NECAB1: variants seen among roughly 807,000 people sequenced by gnomAD.
NECAB1 encodes N-terminal EF-hand calcium-binding protein 1.
Under a neutral mutation model 57.5 loss-of-function variants are expected in NECAB1, and 29 were observed. The observed-to-expected ratio is 0.50, with a 90% CI of 0.38 to 0.69. NECAB1 has a LOEUF of 0.69. Ranked by LOEUF, NECAB1 falls within the 30% of genes least tolerant of loss-of-function variation. NECAB1 has a pLI of 0.00. For missense variants in NECAB1, 372 were observed against 413.8 expected (o/e 0.90, Z 0.88); for synonymous variants, 142 against 147.7 (o/e 0.96, Z 0.28).
intron 11 of NECAB1, 54 bp downstream of exon 11, chr8:90,949,938 A>G: frequency 1.8e-6 from 2 of 1,081,474 alleles, no homozygotes; most frequent in Non-Finnish European, 2.8e-6. Flanking sequence ...GGCAATATGC[A>G]TGATGTAATT....
chr8:90,902,556 A>G (rs944314251), intron 5 of NECAB1, among the ~76,000 whole-genome samples: 9 of 152,304 alleles, frequency 5.9e-5, no homozygotes, highest in Non-Finnish European at 8.8e-5. Context: ...TAAATTATAT[A>G]TATAATGTAC....
Position 90,832,520 on chromosome 8 carries a change from A to G in NECAB1, c.233+7695A>G, listed in dbSNP as rs977333260. On this transcript the variant is annotated intron_variant, in intron 3 of 12. Transcript: ENST00000417640. Reference sequence around the variant, plus strand: ...CTGGTTCTAATTTTCTCCGACAAAAATGGTAGTCAAGTCAAATTTTGTGTC... The same window carrying G: ...CTGGTTCTAATTTTCTCCGACAAAAGTGGTAGTCAAGTCAAATTTTGTGTC... Among the ~76,000 whole-genome samples, 8 of 152,186 alleles carry G rather than the reference A, an allele frequency of 5.3e-5. No individual in the cohort carries two copies. The South Asian group carries it at 1.7e-3, about 32-fold the overall frequency.
chr8:90,803,766 C>T (rs990173438), intron 2 of NECAB1, among the ~76,000 whole-genome samples: 2 of 152,134 alleles, frequency 1.3e-5, no homozygotes, highest in Non-Finnish European at 2.9e-5. Context: ...CACTCAGTCC[C>T]CCTGGGCACC....
chr8:90,915,857 A>G (rs943632138), intron 5 of NECAB1, among the ~76,000 whole-genome samples: 1 of 152,218 alleles, frequency 6.6e-6, no homozygotes, highest in African/African-American at 2.4e-5. Context: ...TTGGAGTCTG[A>G]TATTTGAGGG....
At chr8:90,796,018 T>C (rs1563489453) in intron 1 of NECAB1, among the ~76,000 whole-genome samples, 1 of 152,216 alleles carries the variant, frequency 6.6e-6, no homozygotes, top group Non-Finnish European at 1.5e-5. Context: ...AAAAATACAC[T>C]TAGTCTTACT....
intron 3 of NECAB1, among the ~76,000 whole-genome samples, chr8:90,828,297 A>G (rs1812255236): frequency 6.6e-6 from 1 of 152,050 alleles, no homozygotes; most frequent in Non-Finnish European, 1.5e-5. Flanking sequence ...AATATTACCA[A>G]GGTTGGAGAT....
chr8:90,810,580 G>T (rs1036760595), intron 2 of NECAB1, among the ~76,000 whole-genome samples: 2 of 152,138 alleles, frequency 1.3e-5, no homozygotes, highest in African/African-American at 4.8e-5. Flanking sequence ...AAGTCCCAAG[G>T]ATGTTGTTTA....
chr8:90,818,715 G>A (rs1812097270), intron 2 of NECAB1, among the ~76,000 whole-genome samples: 2 of 151,922 alleles, frequency 1.3e-5, no homozygotes, highest in Admixed American at 1.3e-4. Context: ...GTATGAGTTT[G>A]GTTTTGGGTG....
At chr8:90,919,577 TA>T (rs1276547485) in intron 6 of NECAB1, among the ~76,000 whole-genome samples, 1 of 152,210 alleles carries the variant, frequency 6.6e-6, no homozygotes, top group East Asian at 1.9e-4. Context: ...AAGCATCCTC[TA>T]CATCATAAAC....
intron 5 of NECAB1, among the ~76,000 whole-genome samples, chr8:90,907,570 A>C (rs1360787331): frequency 1.3e-5 from 2 of 152,208 alleles, no homozygotes; most frequent in African/African-American, 4.8e-5. Flanking sequence ...TCTAGGATAC[A>C]TATGTTTCCT....
intron 9 of NECAB1, among the ~76,000 whole-genome samples, chr8:90,934,779 G>A (rs1810494236): frequency 1.3e-5 from 2 of 152,076 alleles, no homozygotes; most frequent in Non-Finnish European, 2.9e-5. Context: ...CATTGAAAAT[G>A]CTCAGAAATA....
At chr8:90,852,162 C>T (rs1812696257) in intron 3 of NECAB1, among the ~76,000 whole-genome samples, 2 of 152,166 alleles carry the variant, frequency 1.3e-5, no homozygotes, top group Non-Finnish European at 2.9e-5. Flanking sequence ...CCTGATTTCA[C>T]ATTATATGAA....
chr8:90,890,683 A>T (rs944412634), intron 5 of NECAB1, among the ~76,000 whole-genome samples: 2 of 152,194 alleles, frequency 1.3e-5, no homozygotes, highest in Non-Finnish European at 2.9e-5. Flanking sequence ...TTAAAGAAGT[A>T]TTTTTAAACT....
At chr8:90,932,520 G>A (rs1292140435) in intron 8 of NECAB1, among the ~76,000 whole-genome samples, 2 of 152,322 alleles carry the variant, frequency 1.3e-5, no homozygotes, top group East Asian at 3.9e-4. Context: ...CTCCAAATGA[G>A]TGGTCTGGAA....
chr8:90,942,051 A>G (rs1217556472), intron 10 of NECAB1, among the ~76,000 whole-genome samples: 1 of 152,080 alleles, frequency 6.6e-6, no homozygotes, highest in East Asian at 1.9e-4. Flanking sequence ...TTTTCCTCTC[A>G]GTGTTCAATT....
chr8:90,931,518 T>G (rs1005734318), intron 8 of NECAB1, among the ~76,000 whole-genome samples: 25 of 152,218 alleles, frequency 1.6e-4, no homozygotes, highest in African/African-American at 6.0e-4. Context: ...AATAGGTTTC[T>G]TTAGGTATTC....
intron 3 of NECAB1, among the ~76,000 whole-genome samples, chr8:90,867,107 T>G (rs768950599): frequency 6.6e-6 from 1 of 152,162 alleles, no homozygotes; most frequent in African/African-American, 2.4e-5. Flanking sequence ...CTACTAACAA[T>G]GTAGCACAGA....
At chr8:90,945,252 G>C (rs552066280) in intron 10 of NECAB1, among the ~76,000 whole-genome samples, 1 of 152,080 alleles carries the variant, frequency 6.6e-6, no homozygotes, top group African/African-American at 2.4e-5. Context: ...TATTTTAGTA[G>C]AGACAGGGTT....
intron 5 of NECAB1, among the ~76,000 whole-genome samples, chr8:90,906,887 A>ATATATATATATATATGTATGTATG (rs1809675741): frequency 8.2e-6 from 1 of 121,670 alleles, no homozygotes; most frequent in African/African-American, 3.7e-5. Flanking sequence ...ATATATATAT[A>ATATATATATATATATGTATGTATG]TATATATATA....
Sources: gnomAD v4.1 joint callset for allele counts (sites outside exome capture counted in the v4.1 genomes callset) on GRCh38, gnomAD v4.1.1 for gene constraint, MANE v1.5 for transcripts, NCBI Gene and HGNC (gene_info 2026-07-23, HGNC 2026-07-21) for gene names.